DCLRE1B: variants seen among roughly 807,000 people sequenced by gnomAD.
DCLRE1B encodes DNA cross-link repair 1B.
A neutral mutation model predicts 19.8 loss-of-function variants in DCLRE1B; 6 were observed. That is an observed-to-expected ratio of 0.30 (90% CI 0.17 to 0.60). DCLRE1B has a LOEUF of 0.60. DCLRE1B is among the 20% of genes least tolerant of loss of function. DCLRE1B has a pLI of 0.87. For synonymous variants in DCLRE1B, 258 were observed against 255.7 expected (o/e 1.01, Z -0.09); for missense variants, 622 against 654.2 (o/e 0.95, Z 0.54).
intron 2 of DCLRE1B, among the ~76,000 whole-genome samples, chr1:113,907,631 A>G (rs1415473623): frequency 6.6e-6 from 1 of 151,866 alleles, no homozygotes; most frequent in Non-Finnish European, 1.5e-5. Flanking sequence ...CACCACGCCC[A>G]GCTAATTTTC....
chr1:113,905,607 C>T lies in DCLRE1B; in HGVS notation c.21C>T (p.Pro7=). MNGVLI[P]HTPIAVDFWS... ...CCACCATGAATGGGGTCCTGATCCC[C>T]CATACGCCCATCGCAGTGGACTTCT... The change falls in exon 1 of 4, where the codon CCC becomes CCT. Residue 7 remains proline (P), a synonymous_variant. Coordinates refer to ENST00000650450, the MANE Select transcript of DCLRE1B (RefSeq NM_022836.4). 1 of 1,614,186 alleles carries T rather than the reference C, an allele frequency of 6.2e-7. No homozygotes were observed. Among genetic ancestry groups the T allele is most frequent in the Non-Finnish European group, 8.5e-7 (1 of 1,180,034 alleles).
rs529357028 is a variant in DCLRE1B at position 113,907,847 on chromosome 1, A to G, written c.356-162A>G. Among the ~76,000 whole-genome samples the G allele has an allele frequency of 6.6e-5, 10 of 152,324 alleles. No individual in the cohort carries two copies. The East Asian group carries it at 1.9e-3, about 29-fold the overall frequency. ...ATAGGAGTAGGATGGAGACATTACA[A>G]CAAAGAAACCATGCAGCTATACTGC... On this transcript the variant is annotated intron_variant, in intron 2 of 3. Coordinates refer to ENST00000650450, the MANE Select transcript of DCLRE1B (RefSeq NM_022836.4).
At position 113,911,578 on chromosome 1, in the gene DCLRE1B, C is replaced by A. The variant is rs1241726296; in HGVS notation, c.986C>A (p.Ser329Tyr). The A allele has an allele frequency of 6.3e-7, 1 of 1,599,758 alleles. No homozygotes were observed. The change falls in exon 4 of 4, where the codon TCT (serine) becomes TAT (tyrosine). Residue 329 changes from serine (S) to tyrosine (Y), a missense_variant. By Grantham distance (144) the Ser-to-Tyr change is moderately radical. This residue lies in a region of DCLRE1B where 382 missense variants were observed against 412.5 expected (regional missense o/e 0.93). Transcript: ENST00000650450. Reference protein sequence around the residue: ...IPDSVQQYMSSSSRKPSLLWL... With the variant: ...IPDSVQQYMSYSSRKPSLLWL... ...GACTCTGTACAGCAATACATGAGTT[C>A]TTCCTCTAGAAAACCAAGCCTTCTC...
chr1:113,908,696 A>AT lies in DCLRE1B; in HGVS notation c.538+512dup, dbSNP rs572241523. Among the ~76,000 whole-genome samples the AT allele has an allele frequency of 2.8e-4, 43 of 152,014 alleles. 1 individual carries two copies. In the South Asian group the frequency reaches 5.4e-3, roughly 19 times the overall value. On this transcript the variant is annotated intron_variant, in intron 3 of 3. Transcript: ENST00000650450. ...AACTCCTGATCATCCATACCAATTC[A>AT]TTTTTTTCATTTTTTTATAGCACTC...
At chr1:113,906,102 G>T (rs1177179715) in intron 1 of DCLRE1B, among the ~76,000 whole-genome samples, 2 of 129,590 alleles carry the variant, frequency 1.5e-5, no homozygotes, top group Non-Finnish European at 3.1e-5. Context: ...TGTTGCCCAG[G>T]CTGGAGTGCA....
At position 113,911,313 on chromosome 1, in the gene DCLRE1B, A is replaced by G; in HGVS notation, c.721A>G (p.Asn241Asp). 2 of 1,614,146 alleles carry G rather than the reference A, an allele frequency of 1.2e-6. No homozygotes were observed. The highest frequency in any genetic ancestry group is 1.7e-6 in the Non-Finnish European group (2 of 1,180,020). ...AGACCATATGGAGATCTGCCATTCC[A>G]ACATGCTGCGTTGGAACCAGACCCA... ...AVDHMEICHSNMLRWNQTHPT... is the reference protein window; with the variant it reads ...AVDHMEICHSDMLRWNQTHPT... The change falls in exon 4 of 4, where the codon AAC becomes GAC. Residue 241 changes from asparagine (N) to aspartate (D), a missense_variant. Transcript: ENST00000650450.
chr1:113,913,347 C>G lies in DCLRE1B; in HGVS notation c.*1156C>G, dbSNP rs1232414950. The G allele has an allele frequency of 1.3e-5, 2 of 152,762 alleles. No individual in the cohort carries two copies. Among genetic ancestry groups the G allele is most frequent in the African/African-American group, 4.8e-5 (2 of 41,456 alleles). The allele number at this position is 152,762 out of a possible 1,614,324, so 9.5% of individuals were successfully genotyped here. A position where few individuals can be genotyped will look rare whatever the true frequency, so the allele number is the denominator to read the frequency against. ...CCTAGCAGTGAAGAAGATTCCATTTCTTGTCCAGGGGATTTAAAAGAGTTT... is the reference window on the plus strand; with the variant it reads ...CCTAGCAGTGAAGAAGATTCCATTTGTTGTCCAGGGGATTTAAAAGAGTTT... On this transcript the variant is annotated 3_prime_UTR_variant, in exon 4 of 4. Transcript: ENST00000650450.
chr1:113,910,415 T>C (rs1279086413), intron 3 of DCLRE1B, among the ~76,000 whole-genome samples: 1 of 152,210 alleles, frequency 6.6e-6, no homozygotes, highest in East Asian at 1.9e-4. Flanking sequence ...TTCTACCCTT[T>C]CCTTGCCAGG....
At chr1:113,908,255 T>C (rs1307565592) in intron 3 of DCLRE1B, 64 bp downstream of exon 3, 1 of 1,553,328 alleles carries the variant, frequency 6.4e-7, no homozygotes, top group African/African-American at 1.4e-5. Flanking sequence ...TTAAGGATTC[T>C]CACATCTTTC....
chr1:113,909,027 T>C (rs1189878414), intron 3 of DCLRE1B, among the ~76,000 whole-genome samples: 2 of 152,230 alleles, frequency 1.3e-5, no homozygotes, highest in Non-Finnish European at 2.9e-5. Flanking sequence ...AGAGGGACAA[T>C]ATGCACTCAT....
At position 113,905,755 on chromosome 1, in the gene DCLRE1B, C is replaced by G; in HGVS notation, c.169C>G (p.Leu57Val). Residue 57 changes from leucine to valine, a missense_variant, in exon 1 of 4, where the codon CTC becomes GTC. This residue lies in a region of DCLRE1B where 237 missense variants were observed against 223.8 expected (regional missense o/e 1.06). Transcript: ENST00000650450. ...PLYCSPITAH[L>V]LHRHLQVSKQ... ...CTACTGCTCCCCAATTACAGCCCAC[C>G]TCTTGCATCGTCACCTACAGGTATG... is the stretch of plus-strand genomic sequence containing the variant. 1 of 1,613,700 alleles carries G rather than the reference C, an allele frequency of 6.2e-7. No individual in the cohort carries two copies. Among genetic ancestry groups the G allele is most frequent in the Non-Finnish European group, 8.5e-7 (1 of 1,179,776 alleles).
At chr1:113,904,983 C>G, upstream of DCLRE1B, 1 of 469,988 alleles carries the variant, frequency 2.1e-6, no homozygotes, top group Non-Finnish European at 3.9e-6. Context: ...AGATCGCTCC[C>G]GCTACTTCTA....
rs1247616320 is a variant in DCLRE1B, at chr1:113,912,830, A to G, written c.*639A>G. On this transcript the variant is annotated 3_prime_UTR_variant, in exon 4 of 4. Transcript: ENST00000650450. ...TGAAAATTCTACCTCTATGTCCTTCATGAGGATGTGCAGTATCCCAGTATC... is the reference window on the plus strand; with the variant it reads ...TGAAAATTCTACCTCTATGTCCTTCGTGAGGATGTGCAGTATCCCAGTATC... 5 of 152,378 alleles carry G rather than the reference A, an allele frequency of 3.3e-5. No homozygotes were observed. Among genetic ancestry groups the G allele is most frequent in the Non-Finnish European group, 5.9e-5 (4 of 68,094 alleles). 9.4% of individuals were successfully genotyped at this position (152,378 alleles called of 1,614,324 possible).
Position 113,905,795 on chromosome 1 carries a change from C to T in DCLRE1B, c.189+20C>T. The T allele has an allele frequency of 6.3e-7, 1 of 1,595,968 alleles. No individual in the cohort carries two copies. The highest frequency in any genetic ancestry group is 1.7e-5 in the Admixed American group (1 of 57,216). ...CTACAGGTATGGGGCTGGAGTCGGTCTCCGAGAGCTGGTCCAGGCATCTGG... is the reference window on the plus strand; with the variant it reads ...CTACAGGTATGGGGCTGGAGTCGGTTTCCGAGAGCTGGTCCAGGCATCTGG... On this transcript the variant is annotated intron_variant, in intron 1 of 3. Coordinates refer to ENST00000650450, the MANE Select transcript of DCLRE1B (RefSeq NM_022836.4).
chr1:113,908,713 A>G (rs1323592890), intron 3 of DCLRE1B, among the ~76,000 whole-genome samples: 1 of 152,140 alleles, frequency 6.6e-6, no homozygotes, highest in Non-Finnish European at 1.5e-5. Context: ...TCATTTTTTT[A>G]TAGCACTCAT....
Position 113,905,432 on chromosome 1 carries a change from C to G in DCLRE1B, c.-155C>G. On this transcript the variant is annotated 5_prime_UTR_variant, in exon 1 of 4. Transcript: ENST00000650450. ...GGGTGACTTCCTTTTTCTGCCCACT[C>G]TGGTAACTTATTGCTCTGCTGGGCT... The G allele has an allele frequency of 1.3e-6, 1 of 752,520 alleles. No individual in the cohort carries two copies. Among genetic ancestry groups the G allele is most frequent in the Admixed American group, 2.7e-5 (1 of 36,732 alleles). 46.6% of individuals were successfully genotyped at this position (752,520 alleles called of 1,614,324 possible).
At chr1:113,909,658 A>T (rs886855644) in intron 3 of DCLRE1B, among the ~76,000 whole-genome samples, 1 of 152,250 alleles carries the variant, frequency 6.6e-6, no homozygotes, top group African/African-American at 2.4e-5. Context: ...AATTTTCTCA[A>T]AAAAGCAAAG....
chr1:113,911,402 C>G lies in DCLRE1B; in HGVS notation c.810C>G (p.Val270=), dbSNP rs1303047284. ...ACAGCTCCCACCCTGATATCCACGT[C>G]ATCCCTTACTCTGACCATTCCTCTT... is the stretch of plus-strand genomic sequence containing the variant. ...KIHSSHPDIH[V]IPYSDHSSYS... Residue 270 remains valine (V), a synonymous_variant, in exon 4 of 4, where the codon GTC becomes GTG. Coordinates refer to ENST00000650450, the MANE Select transcript of DCLRE1B (RefSeq NM_022836.4). The G allele has an allele frequency of 6.2e-7, 1 of 1,614,242 alleles. No homozygotes were observed. The highest frequency in any genetic ancestry group is 8.5e-7 in the Non-Finnish European group (1 of 1,180,050).
Position 113,905,402 on chromosome 1 carries a change from G to T in DCLRE1B, c.-185G>T, listed in dbSNP as rs1006195256. 1 of 633,544 alleles carries T rather than the reference G, an allele frequency of 1.6e-6. No individual in the cohort carries two copies. The allele number at this position is 633,544 out of a possible 1,614,324, so 39.2% of individuals were successfully genotyped here. A position where few individuals can be genotyped will look rare whatever the true frequency, so the allele number is the denominator to read the frequency against. The stretch of plus-strand genomic sequence containing the variant: ...CGCCCTCCGCGATTTGGGCTCCAGC[G>T]GGCAGGGTGACTTCCTTTTTCTGCC... On this transcript the variant is annotated 5_prime_UTR_variant, in exon 1 of 4. Transcript: ENST00000650450.
Sources: allele counts gnomAD v4.1 joint callset (sites outside exome capture counted in the v4.1 genomes callset), GRCh38; gene constraint gnomAD v4.1.1; regional missense constraint gnomAD v4.1.1; transcripts MANE v1.5; gene names NCBI Gene and HGNC (gene_info 2026-07-23, HGNC 2026-07-21).